The following CEP350 variants were observed in gnomAD, a reference collection of about 807,000 sequenced individuals.
The protein encoded by CEP350 is centrosome-associated protein 350.
A neutral mutation model predicts 331.8 loss-of-function variants in CEP350; 126 were observed. The observed-to-expected ratio is 0.38, with a 90% CI of 0.33 to 0.44. The LOEUF (loss-of-function observed/expected upper bound fraction) is 0.44. Ranked by LOEUF, CEP350 falls within the 20% of genes least tolerant of loss-of-function variation. The pLI is 1.00. For missense variants in CEP350, 3,406 were observed against 3,634.6 expected (o/e 0.94, Z 1.62); for synonymous variants, 1,200 against 1,259.5 (o/e 0.95, Z 1.00).
At chr1:180,001,368 C>T (rs187502508) in intron 6 of CEP350, among the ~76,000 whole-genome samples, 140 of 152,296 alleles carry the variant, frequency 9.2e-4, no homozygotes, top group Non-Finnish European at 1.7e-3. Flanking sequence ...AAGTGATTCT[C>T]GTGCCTCAGC....
chr1:180,033,403 G>C (rs1656145620), intron 15 of CEP350, among the ~76,000 whole-genome samples: 1 of 152,092 alleles, frequency 6.6e-6, no homozygotes, highest in Non-Finnish European at 1.5e-5. Context: ...ATCAACAAGA[G>C]GGTATAACAA....
chr1:180,068,191 C>A (rs12118985), intron 27 of CEP350, among the ~76,000 whole-genome samples: 18,192 of 152,098 alleles, frequency 0.12, 1,173 homozygotes, highest in South Asian at 0.16. Flanking sequence ...TCATTTTTGG[C>A]TATAGTGAAA....
At chr1:180,002,209 C>A (rs750716757) in intron 6 of CEP350, among the ~76,000 whole-genome samples, 2 of 152,186 alleles carry the variant, frequency 1.3e-5, no homozygotes, top group Non-Finnish European at 1.5e-5. Context: ...CGCGGTGGCT[C>A]ATGCCTGTAA....
chr1:179,967,205 TAGAA>T (rs1291536135), intron 1 of CEP350, among the ~76,000 whole-genome samples: 5 of 152,138 alleles, frequency 3.3e-5, no homozygotes, highest in African/African-American at 1.2e-4. Flanking sequence ...TTTGTACAAA[TAGAA>T]GGATATTTTT....
chr1:180,101,652 T>C (rs1024770268), intron 37 of CEP350, among the ~76,000 whole-genome samples: 79 of 152,098 alleles, frequency 5.2e-4, no homozygotes, highest in African/African-American at 1.9e-3. Context: ...GAGTGAGTGC[T>C]CAGTCCCCAA....
chr1:180,096,983 G>C (rs1015394422), intron 36 of CEP350, among the ~76,000 whole-genome samples: 3 of 152,160 alleles, frequency 2.0e-5, no homozygotes, highest in African/African-American at 7.2e-5. Flanking sequence ...GGTCCTGCTG[G>C]TCCTGCTGGT....
Position 180,018,873 on chromosome 1 carries a change from T to A in CEP350, c.2175-1076T>A, listed in dbSNP as rs538265542. Among the ~76,000 whole-genome samples, 25 of 151,562 alleles carry A rather than the reference T, an allele frequency of 1.6e-4. No homozygotes were observed. The East Asian group carries it at 4.8e-3, about 29-fold the overall frequency. On this transcript the variant is annotated intron_variant, in intron 11 of 37. Transcript: ENST00000367607. ...TCTTTCTTTCTTTTTTTTTTTTTTT[T>A]TCTGAGACAGTCTTACTGTGTCTTC... is the stretch of plus-strand genomic sequence containing the variant.
In CEP350 at chr1:180,095,664, A is replaced by G. The variant is rs1407087751; in HGVS notation, c.8653A>G (p.Lys2885Glu). The G allele has an allele frequency of 1.2e-6, 2 of 1,613,838 alleles. No individual in the cohort carries two copies. Among genetic ancestry groups the G allele is most frequent in the South Asian group, 1.1e-5 (1 of 91,086 alleles). Reference sequence around the variant, plus strand: ...AGACTTTGGTTTGAGCTCTTCTCACAAGATCCAAAAAAATAAGGCAGAAGA... The same window carrying G: ...AGACTTTGGTTTGAGCTCTTCTCACGAGATCCAAAAAAATAAGGCAGAAGA... ...DEDFGLSSSH[K>E]IQKNKAEETI... The change falls in exon 35 of 38, where the codon AAG becomes GAG. Residue 2885 changes from lysine to glutamate, a missense_variant. Lys to Glu is a moderately conservative substitution (Grantham distance 56). Coordinates refer to ENST00000367607, the MANE Select transcript of CEP350 (RefSeq NM_014810.5).
chr1:179,980,672 C>T (rs963925671), intron 1 of CEP350, among the ~76,000 whole-genome samples: 13 of 152,112 alleles, frequency 8.5e-5, no homozygotes, highest in African/African-American at 2.6e-4. Flanking sequence ...AATACTTGTA[C>T]TAGATTATGA....
intron 36 of CEP350, among the ~76,000 whole-genome samples, 200 bp from the exon 37 acceptor site, chr1:180,098,663 T>G (rs186670746): frequency 1.1e-4 from 17 of 152,322 alleles, no homozygotes; most frequent in African/African-American, 3.6e-4. Flanking sequence ...TTTTATATGT[T>G]GCGTAAGTGA....
At position 180,041,176 on chromosome 1, in the gene CEP350, G is replaced by A. The variant is rs746961202; in HGVS notation, c.4149G>A (p.Leu1383=). ...GCCATGAAAGAGACTTGGCCCTCTT[G>A]AAACTAAAGGCTGAACAAGAGGCTC... ...QQRHERDLAL[L]KLKAEQEALE... is the part of the protein sequence containing the mutation. The change falls in exon 18 of 38, where the codon TTG becomes TTA. Residue 1383 remains leucine, a synonymous_variant. Coordinates refer to ENST00000367607, the MANE Select transcript of CEP350 (RefSeq NM_014810.5). 1.9e-6 allele frequency: 3 copies of A among 1,598,244 alleles called. No homozygotes were observed. The highest frequency in any genetic ancestry group is 4.5e-5 in the East Asian group (2 of 44,352).
chr1:179,983,041 G>A (rs529719978), intron 1 of CEP350, among the ~76,000 whole-genome samples: 5 of 151,986 alleles, frequency 3.3e-5, no homozygotes, highest in South Asian at 4.2e-4. Context: ...CACCTCCTGC[G>A]GCCTCCCAAA....
intron 1 of CEP350, among the ~76,000 whole-genome samples, chr1:179,961,317 G>A (rs539397534): frequency 8.3e-4 from 126 of 152,062 alleles, no homozygotes; most frequent in African/African-American, 2.8e-3. Context: ...GCGTGGTGGC[G>A]CGCACCTGTA....
At chr1:179,969,778 A>G (rs905332676) in intron 1 of CEP350, among the ~76,000 whole-genome samples, 1 of 151,824 alleles carries the variant, frequency 6.6e-6, no homozygotes, top group Non-Finnish European at 1.5e-5. Context: ...CAACAATGAG[A>G]CCCTGTCTTC....
chr1:179,957,361 TA>T (rs1264574098), intron 1 of CEP350, among the ~76,000 whole-genome samples: 1 of 152,130 alleles, frequency 6.6e-6, no homozygotes, highest in African/African-American at 2.4e-5. Flanking sequence ...TGTTATAGTG[TA>T]AAAAAATCAT....
intron 37 of CEP350, among the ~76,000 whole-genome samples, chr1:180,107,405 G>C (rs1661202022): frequency 6.6e-6 from 1 of 152,162 alleles, no homozygotes. Context: ...AGGCACGGTG[G>C]CTCACCTAAT....
intron 37 of CEP350, among the ~76,000 whole-genome samples, chr1:180,100,793 A>G (rs1449027862): frequency 6.6e-6 from 1 of 152,212 alleles, no homozygotes; most frequent in African/African-American, 2.4e-5. Flanking sequence ...AGAGAAAATG[A>G]GGAGGAAGCA....
chr1:180,059,990 A>G (rs75723887), intron 25 of CEP350, among the ~76,000 whole-genome samples: 2 of 151,798 alleles, frequency 1.3e-5, no homozygotes, highest in African/African-American at 4.8e-5. Context: ...TAAAAAAAAA[A>G]TCAAGCTAGA....
Position 180,065,210 on chromosome 1 carries a change from C to T in CEP350, c.5505C>T (p.Ser1835=). The change falls in exon 27 of 38, where the codon TCC becomes TCT. Residue 1835 remains serine (S), a synonymous_variant. Coordinates refer to ENST00000367607, the MANE Select transcript of CEP350 (RefSeq NM_014810.5). ...ETRSPSPISI[S]SSETSSIMQK... is the part of the protein sequence containing the mutation. ...GCAGTCCTTCTCCCATTTCAATCTCCAGCAGTGAAACTAGCAGCATTATGC... is the reference window on the plus strand; with the variant it reads ...GCAGTCCTTCTCCCATTTCAATCTCTAGCAGTGAAACTAGCAGCATTATGC... 6.2e-7 allele frequency: 1 copy of T among 1,613,772 alleles called. No homozygotes were observed. The highest frequency in any genetic ancestry group is 1.1e-5 in the South Asian group (1 of 91,056).
Sources: gnomAD v4.1 joint callset for allele counts (sites outside exome capture counted in the v4.1 genomes callset) on GRCh38, gnomAD v4.1.1 for gene constraint, MANE v1.5 for transcripts, NCBI Gene and HGNC (gene_info 2026-07-23, HGNC 2026-07-21) for gene names.